ZFHX2: variants seen among roughly 807,000 people sequenced by gnomAD.
ZFHX2 encodes zinc finger homeobox 2.
In ZFHX2, 75 loss-of-function variants were observed where a neutral mutation model predicts 164.8. That is an observed-to-expected ratio of 0.46 (90% CI 0.38 to 0.55). The LOEUF (loss-of-function observed/expected upper bound fraction) is 0.55, where lower values mean the gene tolerates loss of function less well. Among genes scored for constraint, ZFHX2 ranks in the 20% least tolerant of loss-of-function variants. The pLI is 0.00. For missense variants in ZFHX2, 2,933 were observed against 3,308.0 expected, an observed-to-expected ratio of 0.89 and a Z score of 2.78; for synonymous variants, 1,217 against 1,351.4, an observed-to-expected ratio of 0.90 and a Z score of 2.18.
chr14:23,527,891 G>A (rs1275886251), intron 6 of ZFHX2, 87 bp from the exon 7 acceptor site: 8 of 868,306 alleles, frequency 9.2e-6, no homozygotes, highest in East Asian at 3.0e-5. Context: ...GCACTGGCCC[G>A]CCCCCACTCC....
intron 1 of ZFHX2, among the ~76,000 whole-genome samples, chr14:23,550,662 C>T (rs1194373426): frequency 6.6e-6 from 1 of 152,178 alleles, no homozygotes; most frequent in Non-Finnish European, 1.5e-5. Context: ...CTCAGAGGGG[C>T]AGACGAGCGG....
intron 4 of ZFHX2, chr14:23,531,166 C>G (rs1051320425): frequency 4.1e-6 from 1 of 243,722 alleles, no homozygotes; most frequent in South Asian, 1.7e-4. Flanking sequence ...CCAGCTCCAG[C>G]CTGCCACCCT....
At position 23,535,305 on chromosome 14, in the gene ZFHX2, G is replaced by T; in HGVS notation, c.21C>A (p.Ala7=). Residue 7 remains alanine, a synonymous_variant, in exon 2 of 10, where the codon GCC becomes GCA. Transcript: ENST00000419474. This position sits in a 1 kb window ranked among gnomAD's most constrained non-coding sequence, Gnocchi z 4.5. MATLNS[A]STTGTTPSPG... The stretch of plus-strand genomic sequence containing the variant: ...GGGAGGGGGTGGTACCAGTGGTAGA[G>T]GCTGAGTTAAGGGTGGCCATGGTAG... The T allele has an allele frequency of 6.8e-7, 1 of 1,468,376 alleles. No homozygotes were observed. The highest frequency in any genetic ancestry group is 1.4e-5 in the African/African-American group (1 of 71,346). The allele number at this position is 1,468,376 out of a possible 1,614,324, so 91.0% of individuals were successfully genotyped here. A position where few individuals can be genotyped will look rare whatever the true frequency, so the allele number is the denominator to read the frequency against.
chr14:23,523,018 CCA>C lies in ZFHX2; in HGVS notation c.6740-79_6740-78del. ...TCTTCCTGCCATAGGCCACCTCCAG[CCA>C]CACACACCCGTTCCCAGCACCGGAT... On this transcript the variant is annotated intron_variant, in intron 9 of 9. Coordinates refer to ENST00000419474, the MANE Select transcript of ZFHX2 (RefSeq NM_033400.3). This position sits in a 1 kb window ranked among gnomAD's most constrained non-coding sequence, Gnocchi z 4.1. The C allele has an allele frequency of 7.0e-7, 1 of 1,419,770 alleles. No homozygotes were observed. The allele number at this position is 1,419,770 out of a possible 1,614,324, so 87.9% of individuals were successfully genotyped here. A position where few individuals can be genotyped will look rare whatever the true frequency, so the allele number is the denominator to read the frequency against.
rs1879717602 is a variant in ZFHX2 at position 23,532,698 on chromosome 14, C to T, written c.2428G>A (p.Gly810Arg). The T allele has an allele frequency of 6.5e-7, 1 of 1,531,534 alleles. No homozygotes were observed. Among genetic ancestry groups the T allele is most frequent in the Non-Finnish European group, 8.7e-7 (1 of 1,144,332 alleles). The allele number at this position is 1,531,534 out of a possible 1,614,324, so 94.9% of individuals were successfully genotyped here. ...GGGGAGACAGACCCATAAGGAGCCC[C>T]ATCTCCCAGGGATGCTGGGGAAGGG... The part of the protein sequence containing the change: ...GTPSPASLGD[G>R]APYGSVSPLH... The change falls in exon 3 of 10, where the codon GGG becomes AGG. Residue 810 changes from glycine (G) to arginine (R), a missense_variant. Coordinates refer to ENST00000419474, the MANE Select transcript of ZFHX2 (RefSeq NM_033400.3).
chr14:23,527,095 G>T, intron 7 of ZFHX2, 122 bp from the exon 8 acceptor site: 1 of 1,366,178 alleles, frequency 7.3e-7, no homozygotes, highest in South Asian at 1.8e-5. Flanking sequence ...CCAGCCTCCT[G>T]TCTGAACAAA....
chr14:23,545,839 A>G (rs1215337898), intron 1 of ZFHX2, among the ~76,000 whole-genome samples: 1 of 152,246 alleles, frequency 6.6e-6, no homozygotes, highest in Non-Finnish European at 1.5e-5. Flanking sequence ...GATTAGGGAA[A>G]GAAAAGGGCA....
Position 23,527,801 on chromosome 14 carries a change from A to G in ZFHX2, c.2938T>C (p.Tyr980His). 2.6e-6 allele frequency: 4 copies of G among 1,532,272 alleles called. No homozygotes were observed. The highest frequency in any genetic ancestry group is 3.5e-6 in the Non-Finnish European group (4 of 1,144,682). 94.9% of individuals were successfully genotyped at this position (1,532,272 alleles called of 1,614,324 possible). Residue 980 changes from tyrosine to histidine, a missense_variant, in exon 7 of 10, where the codon TAC becomes CAC. Tyr to His is a moderately conservative substitution (Grantham distance 83, BLOSUM62 2). Transcript: ENST00000419474. ...AGGAAGCTGCAGTATGGACAGCAGTATACCTGGAGGGAACATATGGGCAGT... is the reference window on the plus strand; with the variant it reads ...AGGAAGCTGCAGTATGGACAGCAGTGTACCTGGAGGGAACATATGGGCAGT... The part of the protein sequence containing the change: ...SRDSANQTTV[Y>H]CCPYCSFLSP...
At chr14:23,528,838 C>T in intron 6 of ZFHX2, 1 of 985,416 alleles carries the variant, frequency 1.0e-6, no homozygotes, top group Non-Finnish European at 1.2e-6. Flanking sequence ...CATCACCTGA[C>T]TGCCAGACCT....
chr14:23,525,728 A>T lies in ZFHX2; in HGVS notation c.4214T>A (p.Leu1405Gln). ...PPPPQPPKAE[L>Q]AEREWERPPM... is the part of the protein sequence containing the mutation. ...GGGCCGCTCCCACTCCCGCTCAGCCAGCTCAGCCTTGGGAGGTTGGGGTGG... is the reference window on the plus strand; with the variant it reads ...GGGCCGCTCCCACTCCCGCTCAGCCTGCTCAGCCTTGGGAGGTTGGGGTGG... The change falls in exon 9 of 10, where the codon CTG becomes CAG. Residue 1405 changes from leucine (L) to glutamine (Q), a missense_variant. Leu to Gln is a moderately radical substitution (Grantham distance 113, BLOSUM62 -2). Coordinates refer to ENST00000419474, the MANE Select transcript of ZFHX2 (RefSeq NM_033400.3). This position sits in a 1 kb window ranked among gnomAD's most constrained non-coding sequence, Gnocchi z 5.9. The T allele has an allele frequency of 6.6e-7, 1 of 1,515,810 alleles. No homozygotes were observed. Among genetic ancestry groups the T allele is most frequent in the Non-Finnish European group, 8.8e-7 (1 of 1,135,778 alleles). 93.9% of individuals were successfully genotyped at this position (1,515,810 alleles called of 1,614,324 possible).
At position 23,535,569 on chromosome 14, in the gene ZFHX2, ATTTAT is replaced by A. The variant is rs563809582; in HGVS notation, c.-49-200_-49-196del. 2.8e-4 allele frequency among the ~76,000 whole-genome samples: 42 copies of A among 151,988 alleles called. No individual in the cohort carries two copies. Among genetic ancestry groups the A allele is most frequent in the African/African-American group, 4.3e-4 (18 of 41,476 alleles). On this transcript the variant is annotated intron_variant, in intron 1 of 9. Transcript: ENST00000419474. This position sits in a 1 kb window ranked among gnomAD's most constrained non-coding sequence, Gnocchi z 4.5. ...GTCCAACATCAGAACTCTTCATTTTATTTATTTTATTTTATTTTATTAATTAATTA... is the reference window on the plus strand; with the variant it reads ...GTCCAACATCAGAACTCTTCATTTTATTTATTTTATTTTATTAATTAATTA...
rs770316075 is a variant in ZFHX2 at position 23,525,863 on chromosome 14, T to G, written c.4079A>C (p.Gln1360Pro). The G allele has an allele frequency of 1.2e-5, 18 of 1,451,900 alleles. No individual in the cohort carries two copies. The highest frequency in any genetic ancestry group is 1.6e-5 in the Non-Finnish European group (18 of 1,109,436). The allele number at this position is 1,451,900 out of a possible 1,614,324, so 89.9% of individuals were successfully genotyped here. A position where few individuals can be genotyped will look rare whatever the true frequency, so the allele number is the denominator to read the frequency against. ...LVPESLLKLQ[Q>P]QQLLLPFYLH... Reference sequence around the variant, plus strand: ...GTAGAAGGGCAGGAGCAGCTGCTGCTGCTGGAGCTTAAGCAGTGATTCGGG... The same window carrying G: ...GTAGAAGGGCAGGAGCAGCTGCTGCGGCTGGAGCTTAAGCAGTGATTCGGG... The change falls in exon 9 of 10, where the codon CAG (glutamine) becomes CCG (proline). Residue 1360 changes from glutamine (Q) to proline (P), a missense_variant. Physicochemically the swap from Gln to Pro is moderately conservative, Grantham distance 76 (BLOSUM62 -1). Coordinates refer to ENST00000419474, the MANE Select transcript of ZFHX2 (RefSeq NM_033400.3). The surrounding 1 kb of genome is among the most constrained non-coding windows in gnomAD (Gnocchi z 5.9).
chr14:23,527,672 C>T lies in ZFHX2; in HGVS notation c.3067G>A (p.Ala1023Thr). 1 of 1,536,302 alleles carries T rather than the reference C, an allele frequency of 6.5e-7. No individual in the cohort carries two copies. Among genetic ancestry groups the T allele is most frequent in the Non-Finnish European group, 8.7e-7 (1 of 1,146,938 alleles). Reference sequence around the variant, plus strand: ...AGGTGGCTAAGGTGGAAGTGCAGGGCAGGCCGGCCCACCAGCTGTTCCTGG... The same window carrying T: ...AGGTGGCTAAGGTGGAAGTGCAGGGTAGGCCGGCCCACCAGCTGTTCCTGG... ...LCQEQLVGRP[A>T]LHFHLSHLHN... The change falls in exon 7 of 10, where the codon GCC becomes ACC. Residue 1023 changes from alanine to threonine, a missense_variant. Ala to Thr is a moderately conservative substitution (Grantham distance 58). Transcript: ENST00000419474.
Position 23,535,764 on chromosome 14 carries a change from G to A in ZFHX2, c.-49-390C>T, listed in dbSNP as rs1410527063. On this transcript the variant is annotated intron_variant, in intron 1 of 9. Coordinates refer to ENST00000419474, the MANE Select transcript of ZFHX2 (RefSeq NM_033400.3). The surrounding 1 kb of genome is among the most constrained non-coding windows in gnomAD (Gnocchi z 4.5). Reference sequence around the variant, plus strand: ...TGTGCCACCACACCTGACTAATTTTGTATTTTTAGTAGAGACGGGGTTTCT... The same window carrying A: ...TGTGCCACCACACCTGACTAATTTTATATTTTTAGTAGAGACGGGGTTTCT... Among the ~76,000 whole-genome samples the A allele has an allele frequency of 1.3e-5, 2 of 152,050 alleles. No individual in the cohort carries two copies. The highest frequency in any genetic ancestry group is 1.9e-4 in the East Asian group (1 of 5,170).
upstream of ZFHX2, among the ~76,000 whole-genome samples, chr14:23,552,741 G>A (rs1882068986): frequency 6.6e-6 from 1 of 151,764 alleles, no homozygotes; most frequent in African/African-American, 2.4e-5. Flanking sequence ...AGCTGGGATT[G>A]TAGGTGCCCA....
At chr14:23,555,620 C>T (rs1358111822), upstream of ZFHX2, 2 of 152,220 alleles carry the variant, frequency 1.3e-5, no homozygotes, top group Non-Finnish European at 2.9e-5. Flanking sequence ...GGTATTAGAT[C>T]CCCTCTAAAA....
chr14:23,527,477 C>T, intron 7 of ZFHX2, 127 bp downstream of exon 7: 1 of 1,243,724 alleles, frequency 8.0e-7, no homozygotes, highest in Non-Finnish European at 1.1e-6. Context: ...CCAGCCAACA[C>T]ACGCACTTGC....
intron 1 of ZFHX2, among the ~76,000 whole-genome samples, chr14:23,550,822 C>G (rs1295131270): frequency 6.6e-6 from 1 of 152,166 alleles, no homozygotes; most frequent in African/African-American, 2.4e-5. Flanking sequence ...ATCCACGTCC[C>G]CTCCCACTCC....
Position 23,522,121 on chromosome 14 carries a change from C to T in ZFHX2, c.7560G>A (p.Arg2520=). ...LASHLRSSAH[R]RKAAPPQGGP... ...CCCCTTGAGGTGGGGCTGCCTTGCG[C>T]CTGTGGGCCGAGGAGCGCAGGTGGG... Residue 2520 remains arginine, a synonymous_variant, in exon 10 of 10, where the codon AGG becomes AGA. Transcript: ENST00000419474. 1 of 1,532,062 alleles carries T rather than the reference C, an allele frequency of 6.5e-7. No homozygotes were observed. Among genetic ancestry groups the T allele is most frequent in the Non-Finnish European group, 8.7e-7 (1 of 1,144,774 alleles). 94.9% of individuals were successfully genotyped at this position (1,532,062 alleles called of 1,614,324 possible). A position where few individuals can be genotyped will look rare whatever the true frequency, so the allele number is the denominator to read the frequency against.
Sources: allele counts gnomAD v4.1 joint callset (sites outside exome capture counted in the v4.1 genomes callset), GRCh38; gene constraint gnomAD v4.1.1; non-coding constraint Gnocchi (gnomAD v3.1); transcripts MANE v1.5; gene names NCBI Gene and HGNC (gene_info 2026-07-23, HGNC 2026-07-21).